Variants in ASAP2 observed in about 807,000 individuals in gnomAD.
ASAP2 encodes ArfGAP with SH3 domain, ankyrin repeat and PH domain 2.
In ASAP2, 45 loss-of-function variants were observed where a neutral mutation model predicts 131.4. The ratio of observed to expected loss-of-function variants is 0.34; its 90% CI spans 0.27 to 0.44. The LOEUF (loss-of-function observed/expected upper bound fraction) is 0.44. ASAP2 is among the 20% of genes least tolerant of loss of function. The pLI, the probability that ASAP2 is intolerant of heterozygous loss-of-function variation, is 1.00. For missense variants in ASAP2, 1,011 were observed against 1,297.0 expected (o/e 0.78, Z 3.39); for synonymous variants, 510 against 503.0 (o/e 1.01, Z -0.19).
At chr2:9,383,266 C>T (rs369436276) in intron 20 of ASAP2, among the ~76,000 whole-genome samples, 1 of 151,766 alleles carries the variant, frequency 6.6e-6, no homozygotes, top group African/African-American at 2.4e-5. Context: ...GTGCAGTAAA[C>T]AATTTTTTTA....
At chr2:9,379,090 C>T (rs761677655) in intron 19 of ASAP2, 31 bp downstream of exon 19, 2 of 1,442,606 alleles carry the variant, frequency 1.4e-6, no homozygotes, top group East Asian at 2.6e-5. Context: ...GGGGTGGGCT[C>T]AGCTGCACCC....
chr2:9,326,210 G>A (rs1670466782), intron 6 of ASAP2, among the ~76,000 whole-genome samples: 1 of 152,156 alleles, frequency 6.6e-6, no homozygotes, highest in Non-Finnish European at 1.5e-5. Flanking sequence ...GTGAGACCTT[G>A]TCTCTACAAA....
intron 12 of ASAP2, among the ~76,000 whole-genome samples, chr2:9,354,756 T>TTAGCC (rs1326056723): frequency 6.6e-6 from 1 of 152,208 alleles, no homozygotes; most frequent in Non-Finnish European, 1.5e-5. Context: ...TTTTTGCAGC[T>TTAGCC]TAGCCTCTCT....
chr2:9,384,277 C>G (rs893605469), intron 20 of ASAP2, among the ~76,000 whole-genome samples: 11 of 152,344 alleles, frequency 7.2e-5, no homozygotes, highest in African/African-American at 2.6e-4. Flanking sequence ...TTAGCTTGGC[C>G]TGTGCCCAGG....
At chr2:9,255,474 A>C (rs1476969951) in intron 1 of ASAP2, among the ~76,000 whole-genome samples, 1 of 152,254 alleles carries the variant, frequency 6.6e-6, no homozygotes, top group Non-Finnish European at 1.5e-5. Flanking sequence ...ATGGAATTTT[A>C]AAAAGATGGC....
At chr2:9,388,240 C>T in intron 21 of ASAP2, 54 bp from the exon 22 acceptor site, 1 of 1,602,994 alleles carries the variant, frequency 6.2e-7, no homozygotes, top group Non-Finnish European at 8.5e-7. Context: ...AATGTTATCA[C>T]CAGGAGCAGT....
intron 1 of ASAP2, among the ~76,000 whole-genome samples, chr2:9,216,380 G>C (rs1558240997): frequency 1.3e-5 from 2 of 150,466 alleles, no homozygotes; most frequent in Non-Finnish European, 3.0e-5. Flanking sequence ...TTGACCTCCT[G>C]GGCTCAAGCG....
intron 20 of ASAP2, among the ~76,000 whole-genome samples, chr2:9,382,216 T>C (rs1480336343): frequency 2.0e-5 from 3 of 152,196 alleles, no homozygotes; most frequent in Admixed American, 6.5e-5. Context: ...ACTCCTGACC[T>C]CAAGCAATCC....
intron 26 of ASAP2, 102 bp downstream of exon 26, chr2:9,400,932 C>A (rs1260000247): frequency 2.4e-6 from 3 of 1,242,066 alleles, no homozygotes; most frequent in Admixed American, 1.9e-5. Context: ...CTTCCCCTGG[C>A]TGGGGCAGGG....
At chr2:9,283,903 T>C (rs1667294067) in intron 2 of ASAP2, among the ~76,000 whole-genome samples, 1 of 152,186 alleles carries the variant, frequency 6.6e-6, no homozygotes, top group Non-Finnish European at 1.5e-5. Context: ...ACCTAATTAT[T>C]ATGCTTCCCG....
At chr2:9,210,838 G>A (rs1661487617) in intron 1 of ASAP2, among the ~76,000 whole-genome samples, 1 of 151,702 alleles carries the variant, frequency 6.6e-6, no homozygotes, top group African/African-American at 2.4e-5. Context: ...TGGGATTACA[G>A]GTGACCCATG....
At position 9,392,812 on chromosome 2, in the gene ASAP2, C is replaced by T. The variant is rs889633436; in HGVS notation, c.2519-670C>T. Among the ~76,000 whole-genome samples the T allele has an allele frequency of 6.6e-6, 1 of 152,088 alleles. No homozygotes were observed. Among genetic ancestry groups the T allele is most frequent in the Non-Finnish European group, 1.5e-5 (1 of 68,020 alleles). On this transcript the variant is annotated intron_variant, in intron 23 of 27. Coordinates refer to ENST00000281419, the MANE Select transcript of ASAP2 (RefSeq NM_003887.3). The surrounding 1 kb of genome is among the most constrained non-coding windows in gnomAD (Gnocchi z 4.0). ...CTGAGGCCCAGTATGATAAGCCCGA[C>T]ATTTAGAGAGGGCTTAATGCCTATC...
At position 9,405,559 on chromosome 2, in the gene ASAP2, G is replaced by A. The variant is rs1677153581; in HGVS notation, c.*2232G>A. Reference sequence around the variant, plus strand: ...GCACAACTGTATATATTGTATAACCGAAATTGATTATTTTCATTGTCCTTA... The same window carrying A: ...GCACAACTGTATATATTGTATAACCAAAATTGATTATTTTCATTGTCCTTA... On this transcript the variant is annotated 3_prime_UTR_variant, in exon 28 of 28. Transcript: ENST00000281419. 1 of 152,546 alleles carries A rather than the reference G, an allele frequency of 6.6e-6. No homozygotes were observed. The highest frequency in any genetic ancestry group is 1.5e-5 in the Non-Finnish European group (1 of 68,034). The allele number at this position is 152,546 out of a possible 1,614,324, so 9.4% of individuals were successfully genotyped here. A position where few individuals can be genotyped will look rare whatever the true frequency, so the allele number is the denominator to read the frequency against.
intron 11 of ASAP2, among the ~76,000 whole-genome samples, chr2:9,347,927 A>G (rs1463466762): frequency 6.6e-6 from 1 of 152,238 alleles, no homozygotes; most frequent in African/African-American, 2.4e-5. Flanking sequence ...GCACGATTAG[A>G]ATGGAGAATC....
chr2:9,297,328 C>G lies in ASAP2; in HGVS notation c.228C>G (p.Thr76=). The G allele has an allele frequency of 6.2e-7, 1 of 1,614,066 alleles. No individual in the cohort carries two copies. The highest frequency in any genetic ancestry group is 1.1e-5 in the South Asian group (1 of 91,070). The stretch of plus-strand genomic sequence containing the variant: ...ACGTGGAAAATGAAGAGCAGTACAC[C>G]CAGGCTCTGGAGAAGTTTGGCGGCA... ...LAHVENEEQY[T]QALEKFGGNC... The change falls in exon 3 of 28, where the codon ACC becomes ACG. Residue 76 remains threonine (T), a synonymous_variant. Transcript: ENST00000281419.
chr2:9,210,485 G>A (rs962457269), intron 1 of ASAP2, among the ~76,000 whole-genome samples: 7 of 152,270 alleles, frequency 4.6e-5, no homozygotes, highest in African/African-American at 1.4e-4. Context: ...TTACATGGGG[G>A]GAAGTGTCAG....
At position 9,279,461 on chromosome 2, in the gene ASAP2, T is replaced by C. The variant is rs537938389; in HGVS notation, c.199+72T>C. On this transcript the variant is annotated intron_variant, in intron 2 of 27. Coordinates refer to ENST00000281419, the MANE Select transcript of ASAP2 (RefSeq NM_003887.3). ...ATTTGAAGTCCTGGTACCGTAATAT[T>C]GATGACCATTAACAAATGAGCCAGC... 5.0e-5 allele frequency: 70 copies of C among 1,407,664 alleles called. 2 individuals are homozygous for C. In the Admixed American group the frequency reaches 8.8e-4, roughly 18 times the overall value. 87.2% of individuals were successfully genotyped at this position (1,407,664 alleles called of 1,614,324 possible).
At chr2:9,254,656 G>C (rs1376443724) in intron 1 of ASAP2, among the ~76,000 whole-genome samples, 1 of 148,706 alleles carries the variant, frequency 6.7e-6, no homozygotes, top group Non-Finnish European at 1.5e-5. Flanking sequence ...TTACAGGTTT[G>C]AGCCACCGTC....
chr2:9,343,047 C>T (rs116667354), intron 9 of ASAP2, among the ~76,000 whole-genome samples: 2,406 of 152,290 alleles, frequency 0.016, 64 homozygotes, highest in African/African-American at 0.055. Context: ...GGATGTGCTT[C>T]GTTCTCCAAG....
Sources: gnomAD v4.1 joint callset for allele counts (sites outside exome capture counted in the v4.1 genomes callset) on GRCh38, gnomAD v4.1.1 for gene constraint, Gnocchi (gnomAD v3.1) non-coding constraint, MANE v1.5 for transcripts, NCBI Gene and HGNC (gene_info 2026-07-23, HGNC 2026-07-21) for gene names.